SEC24A: variants seen among roughly 807,000 people sequenced by gnomAD.
SEC24A encodes protein transport protein Sec24A.
SEC24A carries 93 observed loss-of-function variants against 129.4 expected under a neutral mutation model. The observed-to-expected ratio is 0.72, with a 90% confidence interval of 0.61 to 0.85. The LOEUF (loss-of-function observed/expected upper bound fraction) is 0.85, where lower values mean the gene tolerates loss of function less well. Ranked by LOEUF, SEC24A falls within the 40% of genes least tolerant of loss-of-function variation. The pLI, the probability that SEC24A is intolerant of heterozygous loss-of-function variation, is 0.00. For missense variants in SEC24A, 1,264 were observed against 1,307.4 expected, an observed-to-expected ratio of 0.97 and a Z score of 0.51; for synonymous variants, 460 against 467.3, an observed-to-expected ratio of 0.98 and a Z score of 0.20.
In SEC24A at chr5:134,715,126, C is replaced by T; in HGVS notation, c.2830C>T (p.Pro944Ser). Residue 944 changes from proline to serine, a missense_variant, in exon 19 of 23, where the codon CCC becomes TCC. By Grantham distance (74) the Pro-to-Ser change is moderately conservative (BLOSUM62 -1). Coordinates refer to ENST00000398844, the MANE Select transcript of SEC24A (RefSeq NM_021982.3). ...PLVYLMLTTH[P>S]SLYRVDNLSD... is the part of the protein sequence containing the mutation. ...GGTTTACCTTATGCTCACAACTCATCCCAGTTTGTATAGAGTTGACAATCT... is the reference window on the plus strand; with the variant it reads ...GGTTTACCTTATGCTCACAACTCATTCCAGTTTGTATAGAGTTGACAATCT... 6.2e-7 allele frequency: 1 copy of T among 1,609,384 alleles called. No homozygotes were observed. The highest frequency in any genetic ancestry group is 2.2e-5 in the East Asian group (1 of 44,824).
intron 2 of SEC24A, among the ~76,000 whole-genome samples, chr5:134,662,803 C>T (rs1216644469): frequency 6.6e-6 from 1 of 152,030 alleles, no homozygotes; most frequent in Non-Finnish European, 1.5e-5. Context: ...CATTTGATAC[C>T]ATGAGTGAGC....
At chr5:134,693,513 AC>A in intron 12 of SEC24A, 1 of 1,420,602 alleles carries the variant, frequency 7.0e-7, no homozygotes, top group Non-Finnish European at 9.1e-7. Flanking sequence ...ATGTGCAAGA[AC>A]TGTAAGGCCC....
intron 18 of SEC24A, among the ~76,000 whole-genome samples, chr5:134,712,084 G>C (rs116587406): frequency 6.6e-6 from 1 of 151,946 alleles, no homozygotes; most frequent in East Asian, 2.0e-4. Flanking sequence ...CACTGGCCTC[G>C]GCCTCCTAAA....
intron 1 of SEC24A, among the ~76,000 whole-genome samples, chr5:134,652,920 G>A (rs1204328172): frequency 6.6e-6 from 1 of 151,078 alleles, no homozygotes; most frequent in Non-Finnish European, 1.5e-5. Flanking sequence ...TCAGCCTCCC[G>A]AGTAGCTGGG....
At chr5:134,712,925 A>ATTTT (rs1752371336) in intron 18 of SEC24A, among the ~76,000 whole-genome samples, 1 of 115,468 alleles carries the variant, frequency 8.7e-6, no homozygotes. Context: ...GAAATATTTA[A>ATTTT]ATTTTTTTTT....
chr5:134,713,739 AC>A (rs1374381408), intron 18 of SEC24A, among the ~76,000 whole-genome samples: 1 of 151,970 alleles, frequency 6.6e-6, no homozygotes, highest in East Asian at 1.9e-4. Context: ...TTAAAACCTT[AC>A]CCATAACTGG....
intron 17 of SEC24A, 23 bp downstream of exon 17, chr5:134,705,460 A>AAGTAATAACTTT: frequency 7.0e-7 from 1 of 1,426,580 alleles, no homozygotes. Context: ...ATCTGTTATA[A>AAGTAATAACTTT]ATATCTTACA....
rs1751740402 is a variant in SEC24A at position 134,693,903 on chromosome 5, A to G, written c.1956A>G (p.Arg652=). Residue 652 remains arginine (R), a synonymous_variant, in exon 13 of 23, where the codon CGA becomes CGG. Coordinates refer to ENST00000398844, the MANE Select transcript of SEC24A (RefSeq NM_021982.3). ...PTLGVGALKP[R]EEPNHRSSAK... ...TTGGAGTGGGAGCCCTGAAACCACG[A>G]GAGGAACCAAACCACAGGTCATCTG... 1 of 1,614,172 alleles carries G rather than the reference A, an allele frequency of 6.2e-7. No individual in the cohort carries two copies.
chr5:134,675,241 T>C, intron 6 of SEC24A, 24 bp downstream of exon 6: 1 of 1,577,844 alleles, frequency 6.3e-7, no homozygotes, highest in Non-Finnish European at 8.7e-7. Context: ...TGTGACATTA[T>C]GCATGTCCGA....
chr5:134,698,725 G>A lies in SEC24A; in HGVS notation c.2266+668G>A, dbSNP rs1325667461. Among the ~76,000 whole-genome samples the A allele has an allele frequency of 2.8e-5, 4 of 142,660 alleles. No homozygotes were observed. In the East Asian group the frequency reaches 6.5e-4, roughly 23 times the overall value. 93.6% of individuals were successfully genotyped at this position (142,660 alleles called of 152,430 possible). On this transcript the variant is annotated intron_variant, in intron 15 of 22. Transcript: ENST00000398844. ...TGGCTAACTGCAACCTCCACCTCTC[G>A]AGTTCAAGTGATTCTCCCTGCTTCA...
At chr5:134,703,670 T>C (rs1752068692) in intron 15 of SEC24A, 89 bp from the exon 16 acceptor site, 1 of 859,236 alleles carries the variant, frequency 1.2e-6, no homozygotes, top group East Asian at 2.7e-5. Flanking sequence ...TTTCTTTACT[T>C]TTTGCCAATC....
chr5:134,686,684 A>G, intron 9 of SEC24A, 106 bp from the exon 10 acceptor site: 1 of 586,144 alleles, frequency 1.7e-6, no homozygotes, highest in Non-Finnish European at 3.0e-6. Flanking sequence ...ATCTCTACTC[A>G]ATCTGTAAAT....
chr5:134,661,684 A>T (rs1750467378), intron 2 of SEC24A, 98 bp downstream of exon 2: 2 of 965,942 alleles, frequency 2.1e-6, no homozygotes, highest in African/African-American at 3.3e-5. Flanking sequence ...CCATATGGAA[A>T]ATGTGACTTT....
intron 4 of SEC24A, among the ~76,000 whole-genome samples, chr5:134,673,863 G>A (rs768751221): frequency 3.9e-5 from 6 of 152,098 alleles, no homozygotes; most frequent in Admixed American, 6.6e-5. Context: ...GGCCGGGCAC[G>A]GTGGCTCATG....
chr5:134,705,086 A>ATT lies in SEC24A; in HGVS notation c.2441-240_2441-239insTT, dbSNP rs1441646206. 9.7e-3 allele frequency among the ~76,000 whole-genome samples: 1,259 copies of ATT among 129,506 alleles called. 8 individuals carry two copies. The highest frequency in any genetic ancestry group is 0.015 in the South Asian group (58 of 3,786). The allele number at this position is 129,506 out of a possible 152,430, so 85.0% of individuals were successfully genotyped here. A position where few individuals can be genotyped will look rare whatever the true frequency, so the allele number is the denominator to read the frequency against. On this transcript the variant is annotated intron_variant, in intron 16 of 22. Coordinates refer to ENST00000398844, the MANE Select transcript of SEC24A (RefSeq NM_021982.3). ...TATTTATATTTATATATATATATAT[A>ATT]TATATTTTTTTTTTTTTAATTAATT...
chr5:134,683,618 A>T (rs55812865), intron 9 of SEC24A, among the ~76,000 whole-genome samples: 1 of 152,098 alleles, frequency 6.6e-6, no homozygotes, highest in African/African-American at 2.4e-5. Flanking sequence ...GGCTCAAGCA[A>T]TTCTCCTGCC....
chr5:134,706,310 C>A (rs1480195876), intron 17 of SEC24A, among the ~76,000 whole-genome samples: 3 of 152,172 alleles, frequency 2.0e-5, no homozygotes, highest in African/African-American at 7.2e-5. Flanking sequence ...AGTTTACCAC[C>A]ATACATTTGT....
intron 15 of SEC24A, among the ~76,000 whole-genome samples, chr5:134,701,746 T>C (rs777543728): frequency 2.6e-5 from 4 of 152,052 alleles, no homozygotes; most frequent in Non-Finnish European, 5.9e-5. Flanking sequence ...CCTGACCTCA[T>C]GATCTGCCTG....
intron 2 of SEC24A, among the ~76,000 whole-genome samples, chr5:134,666,549 A>G (rs6879375): frequency 0.043 from 6,570 of 151,930 alleles, 295 homozygotes; most frequent in African/African-American, 0.12. Flanking sequence ...AAGAAAGAAA[A>G]CAGGAAAGCA....
Sources: allele counts gnomAD v4.1 joint callset (sites outside exome capture counted in the v4.1 genomes callset), GRCh38; gene constraint gnomAD v4.1.1; transcripts MANE v1.5; gene names NCBI Gene and HGNC (gene_info 2026-07-23, HGNC 2026-07-21).